Variants in NSMCE2 observed in about 807,000 individuals in gnomAD.
NSMCE2 encodes NSE2 SUMO ligase component of SMC5/6 complex.
In NSMCE2, 24 loss-of-function variants were observed where a neutral mutation model predicts 23.8. The observed-to-expected ratio is 1.01, with a 90% CI of 0.73 to 1.42. The LOEUF (loss-of-function observed/expected upper bound fraction) is 1.42. Ranked by LOEUF, NSMCE2 falls within the 40% of genes most tolerant of loss-of-function variation. The pLI is 0.00. For synonymous variants in NSMCE2, 92 were observed against 94.1 expected, an observed-to-expected ratio of 0.98 and a Z score of 0.13; for missense variants, 284 against 296.5, an observed-to-expected ratio of 0.96 and a Z score of 0.31.
chr8:125,299,888 G>A (rs1048828832), intron 5 of NSMCE2, among the ~76,000 whole-genome samples: 2 of 125,270 alleles, frequency 1.6e-5, no homozygotes, highest in African/African-American at 3.1e-5. Flanking sequence ...GCAGAATCTC[G>A]GCTCGCTGCA....
At chr8:125,163,797 C>A (rs1002017799) in intron 4 of NSMCE2, among the ~76,000 whole-genome samples, 2 of 152,296 alleles carry the variant, frequency 1.3e-5, no homozygotes, top group Middle Eastern at 3.4e-3. Context: ...GTGCTTAGAT[C>A]TCTGAATCAA....
At chr8:125,262,158 G>A (rs6997329) in intron 5 of NSMCE2, among the ~76,000 whole-genome samples, 16,318 of 151,588 alleles carry the variant, frequency 0.11, 1,198 homozygotes, top group African/African-American at 0.21. Flanking sequence ...GGGTGCGATG[G>A]CTCACACCTG....
chr8:125,262,913 TTTCA>T (rs1826757055), intron 5 of NSMCE2, among the ~76,000 whole-genome samples: 1 of 102,554 alleles, frequency 9.8e-6, no homozygotes, highest in East Asian at 2.6e-4. Flanking sequence ...GTTTTGACCA[TTTCA>T]GTGCCTCCGC....
At chr8:125,365,875 A>T in intron 7 of NSMCE2, among the ~76,000 whole-genome samples, 1 of 152,102 alleles carries the variant, frequency 6.6e-6, no homozygotes. Flanking sequence ...TAAATTAATT[A>T]AATTAAATAA....
chr8:125,362,195 C>T (rs919887562), intron 7 of NSMCE2, among the ~76,000 whole-genome samples: 11 of 152,180 alleles, frequency 7.2e-5, no homozygotes, highest in African/African-American at 2.4e-4. Context: ...ACCAAGATGT[C>T]GTGGGATTAA....
chr8:125,211,049 T>C (rs2130885679), intron 5 of NSMCE2, among the ~76,000 whole-genome samples: 1 of 152,246 alleles, frequency 6.6e-6, no homozygotes, highest in Admixed American at 6.5e-5. Flanking sequence ...ATTGATTTCA[T>C]TCCCACTACC....
intron 5 of NSMCE2, among the ~76,000 whole-genome samples, chr8:125,317,099 T>C (rs904957033): frequency 6.6e-6 from 1 of 151,642 alleles, no homozygotes; most frequent in African/African-American, 2.4e-5. Context: ...TTGTTTCTGA[T>C]TTCACATCAT....
At chr8:125,102,535 T>C (rs1192219102) in intron 3 of NSMCE2, 48 bp downstream of exon 3, 1 of 1,487,182 alleles carries the variant, frequency 6.7e-7, no homozygotes, top group African/African-American at 1.4e-5. Flanking sequence ...GGTAACACTG[T>C]GTGGTGGTAT....
Position 125,275,464 on chromosome 8 carries a change from A to G in NSMCE2, c.419-81755A>G, listed in dbSNP as rs1827413296. Among the ~76,000 whole-genome samples the G allele has an allele frequency of 3.9e-5, 6 of 152,254 alleles. 1 individual carries two copies. The South Asian group carries it at 1.2e-3, about 32-fold the overall frequency. On this transcript the variant is annotated intron_variant, in intron 5 of 7. Transcript: ENST00000287437. ...CTCCCATGGTATCCAGCAGGTAAGA[A>G]CGTGCCCTGTGGATAGCCAACCAAA...
intron 5 of NSMCE2, among the ~76,000 whole-genome samples, chr8:125,324,468 C>CA (rs71295840): frequency 0.24 from 25,942 of 106,236 alleles, 2,771 homozygotes; most frequent in African/African-American, 0.3. Context: ...TACTACTCAG[C>CA]AAAAAAAAAA....
intron 3 of NSMCE2, among the ~76,000 whole-genome samples, chr8:125,142,549 G>A (rs967474158): frequency 5.3e-5 from 8 of 151,720 alleles, no homozygotes; most frequent in African/African-American, 1.9e-4. Flanking sequence ...CTTGTATCAT[G>A]TACTGCTGAC....
chr8:125,237,482 T>A (rs980030270), intron 5 of NSMCE2, among the ~76,000 whole-genome samples: 5 of 152,186 alleles, frequency 3.3e-5, no homozygotes, highest in Non-Finnish European at 4.4e-5. Context: ...CTGGCAGATG[T>A]CTAACCCCTG....
chr8:125,115,788 TTGACC>T (rs377274636), intron 3 of NSMCE2, among the ~76,000 whole-genome samples: 69 of 152,352 alleles, frequency 4.5e-4, no homozygotes, highest in African/African-American at 1.6e-3. Flanking sequence ...TTGTTTAGTC[TTGACC>T]TGGGAGATGC....
chr8:125,295,500 C>G (rs552797548), intron 5 of NSMCE2, among the ~76,000 whole-genome samples: 106 of 152,342 alleles, frequency 7.0e-4, no homozygotes, highest in African/African-American at 2.4e-3. Context: ...ATCATCCTTT[C>G]TGACCCCCTG....
intron 5 of NSMCE2, among the ~76,000 whole-genome samples, chr8:125,269,596 C>T (rs1264635485): frequency 1.3e-5 from 2 of 152,176 alleles, no homozygotes; most frequent in Non-Finnish European, 2.9e-5. Context: ...TGAATGTGAA[C>T]ATTCAATGAT....
chr8:125,354,230 C>A (rs1813160959), intron 5 of NSMCE2, among the ~76,000 whole-genome samples: 2 of 152,148 alleles, frequency 1.3e-5, no homozygotes, highest in Admixed American at 6.5e-5. Flanking sequence ...CCGCACCCAA[C>A]CTTGCTGTCA....
At chr8:125,254,520 A>T (rs1826328003) in intron 5 of NSMCE2, among the ~76,000 whole-genome samples, 1 of 152,234 alleles carries the variant, frequency 6.6e-6, no homozygotes, top group Non-Finnish European at 1.5e-5. Context: ...ACTTCACCAT[A>T]TATAGCAAAT....
chr8:125,220,768 T>A (rs1480343812), intron 5 of NSMCE2, among the ~76,000 whole-genome samples: 2 of 152,240 alleles, frequency 1.3e-5, no homozygotes, highest in Non-Finnish European at 2.9e-5. Context: ...TCATTTATGC[T>A]GGCTTAGAAT....
In NSMCE2 at chr8:125,102,491, A is replaced by C; in HGVS notation, c.157+4A>C. 6.2e-7 allele frequency: 1 copy of C among 1,612,538 alleles called. No individual in the cohort carries two copies. Among genetic ancestry groups the C allele is most frequent in the Non-Finnish European group, 8.5e-7 (1 of 1,178,640 alleles). On this transcript the variant is annotated splice_donor_region_variant and intron_variant, in intron 3 of 7. Coordinates refer to ENST00000287437, the MANE Select transcript of NSMCE2 (RefSeq NM_173685.4). Reference sequence around the variant, plus strand: ...TTGGATCTTGTGGAAAGTCAGAGTAAGTAAAATTAAAACCTCTTTTGTGTC... The same window carrying C: ...TTGGATCTTGTGGAAAGTCAGAGTACGTAAAATTAAAACCTCTTTTGTGTC...
Sources: allele counts gnomAD v4.1 joint callset (sites outside exome capture counted in the v4.1 genomes callset), GRCh38; gene constraint gnomAD v4.1.1; transcripts MANE v1.5; gene names NCBI Gene and HGNC (gene_info 2026-07-23, HGNC 2026-07-21).